Variants in SPHKAP observed in about 807,000 individuals in gnomAD.
The protein encoded by SPHKAP is A-kinase anchor protein SPHKAP.
In SPHKAP, 67 loss-of-function variants were observed where a neutral mutation model predicts 137.5. That is an observed-to-expected ratio of 0.49 (90% confidence interval 0.40 to 0.60). SPHKAP has a LOEUF of 0.60. SPHKAP is among the 20% of genes least tolerant of loss of function. SPHKAP has a pLI of 0.00. For missense variants in SPHKAP, 2,097 were observed against 2,069.3 expected, an observed-to-expected ratio of 1.01 and a Z score of -0.26; for synonymous variants, 813 against 785.3, an observed-to-expected ratio of 1.04 and a Z score of -0.59.
In SPHKAP at chr2:227,993,631, A is replaced by G. The variant is rs1693507300; in HGVS notation, c.4635-11T>C. Reference sequence around the variant, plus strand: ...CTACTGTTGCCATTGCTGACAAAGCAAAAGTTTACATATTAATGCCCGTCT... The same window carrying G: ...CTACTGTTGCCATTGCTGACAAAGCGAAAGTTTACATATTAATGCCCGTCT... On this transcript the variant is annotated splice_polypyrimidine_tract_variant and intron_variant, in intron 8 of 11. Coordinates refer to ENST00000392056, the MANE Select transcript of SPHKAP (RefSeq NM_001142644.2). The G allele has an allele frequency of 6.3e-7, 1 of 1,576,406 alleles. No individual in the cohort carries two copies. Among genetic ancestry groups the G allele is most frequent in the Non-Finnish European group, 8.6e-7 (1 of 1,159,778 alleles).
chr2:228,086,998 T>C (rs1283626713), intron 3 of SPHKAP, among the ~76,000 whole-genome samples: 1 of 152,170 alleles, frequency 6.6e-6, no homozygotes, highest in Non-Finnish European at 1.5e-5. Flanking sequence ...GAGCAATTTA[T>C]AGCCCAGGGC....
intron 1 of SPHKAP, among the ~76,000 whole-genome samples, chr2:228,179,213 A>G (rs1357588719): frequency 6.6e-6 from 1 of 152,204 alleles, no homozygotes; most frequent in Non-Finnish European, 1.5e-5. Context: ...ACTTAATTTT[A>G]TTAGATACCA....
At chr2:228,129,068 T>C (rs114467624) in intron 2 of SPHKAP, among the ~76,000 whole-genome samples, 2,036 of 152,286 alleles carry the variant, frequency 0.013, 49 homozygotes, top group African/African-American at 0.047. Context: ...TCAGAGCACA[T>C]ACATTTATTG....
Position 228,019,478 on chromosome 2 carries a change from C to T in SPHKAP, c.1376G>A (p.Ser459Asn). ...KIVVVQSPDG[S>N]DAAPQPGISS... is the part of the protein sequence containing the mutation. ...GATGCCTGGCTGTGGGGCAGCATCA[C>T]TGCCATCTGGACTCTGAACAACGAC... The change falls in exon 7 of 12, where the codon AGT (serine) becomes AAT (asparagine). Residue 459 changes from serine (S) to asparagine (N), a missense_variant. Coordinates refer to ENST00000392056, the MANE Select transcript of SPHKAP (RefSeq NM_001142644.2). The T allele has an allele frequency of 6.2e-7, 1 of 1,614,196 alleles. No homozygotes were observed. Among genetic ancestry groups the T allele is most frequent in the Non-Finnish European group, 8.5e-7 (1 of 1,180,040 alleles).
At chr2:228,139,641 A>G (rs1044761045) in intron 1 of SPHKAP, among the ~76,000 whole-genome samples, 1 of 152,258 alleles carries the variant, frequency 6.6e-6, no homozygotes, top group Admixed American at 6.5e-5. Context: ...ATAATCCTTC[A>G]TTCCGAAAAA....
At chr2:228,147,965 T>A (rs1699825474) in intron 1 of SPHKAP, among the ~76,000 whole-genome samples, 1 of 152,200 alleles carries the variant, frequency 6.6e-6, no homozygotes. Flanking sequence ...TTGCATTTAA[T>A]CAAGAGGCTT....
At chr2:228,042,126 T>C (rs1203598934) in intron 3 of SPHKAP, among the ~76,000 whole-genome samples, 2 of 152,076 alleles carry the variant, frequency 1.3e-5, no homozygotes, top group Non-Finnish European at 2.9e-5. Context: ...AAACAACCAA[T>C]GGAGCATCAC....
intron 1 of SPHKAP, among the ~76,000 whole-genome samples, chr2:228,164,769 C>T (rs377258349): frequency 6.6e-6 from 1 of 152,322 alleles, no homozygotes; most frequent in East Asian, 1.9e-4. Flanking sequence ...CAATTGCTCT[C>T]CTGCCTCTGG....
rs761201839 is a variant in SPHKAP at position 228,017,162 on chromosome 2, G to A, written c.3692C>T (p.Pro1231Leu). ...AGLLSPSLRS[P>L]VCHRQSSMPD... ...CATGGACGACTGTCTGTGGCACACTGGGGATCGCAGAGAAGGAGACAGCAG... is the reference window on the plus strand; with the variant it reads ...CATGGACGACTGTCTGTGGCACACTAGGGATCGCAGAGAAGGAGACAGCAG... The change falls in exon 7 of 12, where the codon CCA becomes CTA. Residue 1231 changes from proline (P) to leucine (L), a missense_variant. Pro to Leu is a moderately conservative substitution (Grantham distance 98, BLOSUM62 -3). Coordinates refer to ENST00000392056, the MANE Select transcript of SPHKAP (RefSeq NM_001142644.2). 6 of 1,613,846 alleles carry A rather than the reference G, an allele frequency of 3.7e-6. No individual in the cohort carries two copies. In the African/African-American group the frequency reaches 5.3e-5, roughly 14 times the overall value.
At chr2:228,116,682 C>T (rs111286147) in intron 2 of SPHKAP, among the ~76,000 whole-genome samples, 25 of 152,194 alleles carry the variant, frequency 1.6e-4, no homozygotes, top group African/African-American at 6.0e-4. Flanking sequence ...TGTGGGTGAG[C>T]CCAAAGTTTT....
chr2:228,030,799 GTCT>G (rs1318548387), intron 3 of SPHKAP, among the ~76,000 whole-genome samples: 1 of 150,558 alleles, frequency 6.6e-6, no homozygotes, highest in Non-Finnish European at 1.5e-5. Context: ...TTGAAATATT[GTCT>G]TCTCTAGAGA....
chr2:228,119,023 G>A (rs886714599), intron 2 of SPHKAP, among the ~76,000 whole-genome samples: 6 of 152,172 alleles, frequency 3.9e-5, no homozygotes, highest in African/African-American at 1.4e-4. Flanking sequence ...AAGGAAATAA[G>A]GGGTGCTATT....
At position 227,990,983 on chromosome 2, in the gene SPHKAP, A is replaced by C; in HGVS notation, c.4959+17T>G. 6.2e-7 allele frequency: 1 copy of C among 1,610,332 alleles called. No homozygotes were observed. Among genetic ancestry groups the C allele is most frequent in the Non-Finnish European group, 8.5e-7 (1 of 1,177,234 alleles). On this transcript the variant is annotated intron_variant, in intron 11 of 11. Coordinates refer to ENST00000392056, the MANE Select transcript of SPHKAP (RefSeq NM_001142644.2). The stretch of plus-strand genomic sequence containing the variant: ...AAACACAAAGCTTTCTTGTTTTCCA[A>C]ACCTGGTACATGATACCTTTTCAAT...
chr2:227,991,162 C>T lies in SPHKAP; in HGVS notation c.4797G>A (p.Thr1599=), dbSNP rs781105956. The T allele has an allele frequency of 6.2e-6, 10 of 1,613,934 alleles. No homozygotes were observed. Among genetic ancestry groups the T allele is most frequent in the Non-Finnish European group, 6.8e-6 (8 of 1,180,004 alleles). Residue 1599 remains threonine (T), a synonymous_variant, in exon 11 of 12, where the codon ACG becomes ACA. Transcript: ENST00000392056. ...STEAPASGPP[T]GTASPQRSLL... ...GGCTCCTCTGGGGGCTGGCTGTTCC[C>T]GTAGGCGGTCCAGATGCAGGTGCTG...
At chr2:228,052,544 T>G (rs182208027) in intron 3 of SPHKAP, among the ~76,000 whole-genome samples, 97 of 152,290 alleles carry the variant, frequency 6.4e-4, no homozygotes, top group African/African-American at 2.3e-3. Flanking sequence ...TATCATTGAA[T>G]TTTGAGTAAA....
At chr2:228,054,848 GA>G (rs1696380109) in intron 3 of SPHKAP, among the ~76,000 whole-genome samples, 1 of 106,762 alleles carries the variant, frequency 9.4e-6, no homozygotes, top group Admixed American at 1.1e-4. Flanking sequence ...ATTCTAGATG[GA>G]GTGAAAACTT....
intron 7 of SPHKAP, among the ~76,000 whole-genome samples, chr2:228,000,822 A>G (rs575972203): frequency 1.1e-4 from 17 of 152,260 alleles, no homozygotes; most frequent in African/African-American, 4.1e-4. Flanking sequence ...AAGTTTTGGC[A>G]ATTCTAACTA....
chr2:228,092,522 TATATGTATACA>T, intron 3 of SPHKAP, among the ~76,000 whole-genome samples: 1 of 111,788 alleles, frequency 8.9e-6, no homozygotes, highest in Non-Finnish European at 1.9e-5. Flanking sequence ...ATGTGCCATA[TATATGTATACA>T]TATATGTGCC....
intron 9 of SPHKAP, among the ~76,000 whole-genome samples, chr2:227,992,787 T>C (rs965929906): frequency 6.6e-6 from 1 of 152,168 alleles, no homozygotes; most frequent in African/African-American, 2.4e-5. Flanking sequence ...ATTGAGAAAA[T>C]AGGTCAGGGA....
Sources: gnomAD v4.1 joint callset for allele counts (sites outside exome capture counted in the v4.1 genomes callset) on GRCh38, gnomAD v4.1.1 for gene constraint, MANE v1.5 for transcripts, NCBI Gene and HGNC (gene_info 2026-07-23, HGNC 2026-07-21) for gene names.